Variants in BCCIP observed in about 807,000 individuals in gnomAD.
The protein encoded by BCCIP is BRCA2 and CDKN1A-interacting protein.
A neutral mutation model predicts 32.8 loss-of-function variants in BCCIP; 23 were observed. The observed-to-expected ratio is 0.70, with a 90% CI of 0.51 to 0.99. The LOEUF is 0.99. BCCIP is among the 50% of genes least tolerant of loss of function. BCCIP has a pLI of 0.00. For missense variants in BCCIP, 378 were observed against 379.8 expected, an observed-to-expected ratio of 1.00 and a Z score of 0.04; for synonymous variants, 144 against 137.6, an observed-to-expected ratio of 1.05 and a Z score of -0.33.
chr10:125,830,436 G>A (rs192073939), intron 3 of BCCIP, 126 bp from the exon 4 acceptor site: 24 of 511,872 alleles, frequency 4.7e-5, no homozygotes, highest in East Asian at 4.5e-4. Context: ...CTAAGATGGC[G>A]GTGGTAAAAC....
intron 5 of BCCIP, among the ~76,000 whole-genome samples, chr10:125,831,897 C>T (rs745629571): frequency 6.6e-6 from 1 of 152,058 alleles, no homozygotes; most frequent in Non-Finnish European, 1.5e-5. Context: ...AGTTTTTCAC[C>T]TTCACAGATA....
At chr10:125,849,271 A>C (rs913387180) in intron 7 of BCCIP, among the ~76,000 whole-genome samples, 6 of 152,244 alleles carry the variant, frequency 3.9e-5, no homozygotes, top group Admixed American at 6.5e-5. Flanking sequence ...ACGCAAAAAC[A>C]TATCAACTTA....
chr10:125,841,466 A>C, downstream of BCCIP: 1 of 1,494,556 alleles, frequency 6.7e-7, no homozygotes, highest in Non-Finnish European at 8.9e-7. Flanking sequence ...CTTCATCTGC[A>C]CTGATTATTT....
At position 125,831,550 on chromosome 10, in the gene BCCIP, G is replaced by A; in HGVS notation, c.542G>A (p.Ser181Asn). 3 of 1,614,210 alleles carry A rather than the reference G, an allele frequency of 1.9e-6. No homozygotes were observed. The highest frequency in any genetic ancestry group is 2.5e-6 in the Non-Finnish European group (3 of 1,180,026). The change falls in exon 5 of 7, where the codon AGT becomes AAT. Residue 181 changes from serine (S) to asparagine (N), a missense_variant. By Grantham distance (46) the Ser-to-Asn change is conservative. Transcript: ENST00000278100. ...ACCAAGCCTGTGGGCCTTCTCCTAA[G>A]TGAAAGATTCATTAATGTCCCTCCA... ...DTTKPVGLLL[S>N]ERFINVPPQI...
downstream of BCCIP, among the ~76,000 whole-genome samples, chr10:125,837,547 A>G (rs1485594587): frequency 6.6e-6 from 1 of 152,114 alleles, no homozygotes; most frequent in African/African-American, 2.4e-5. Context: ...CTGTCGCAGA[A>G]TCTCAAGTAG....
intron 3 of BCCIP, 38 bp downstream of exon 3, chr10:125,827,676 T>C: frequency 6.9e-7 from 1 of 1,449,266 alleles, no homozygotes; most frequent in Non-Finnish European, 9.7e-7. Flanking sequence ...ATTAAATGAG[T>C]TCTTTATTCT....
chr10:125,825,616 T>G (rs1854372291), intron 1 of BCCIP: 1 of 152,166 alleles, frequency 6.6e-6, no homozygotes, highest in South Asian at 2.1e-4. Flanking sequence ...GACTTAAATA[T>G]ATACATAGTC....
chr10:125,824,208 C>T (rs1185033660), intron 1 of BCCIP, among the ~76,000 whole-genome samples: 7 of 152,334 alleles, frequency 4.6e-5, no homozygotes, highest in Middle Eastern at 6.8e-3. Flanking sequence ...TTCTTCAGAT[C>T]TCAGCTAGGC....
chr10:125,840,361 C>T (rs997980992), downstream of BCCIP, among the ~76,000 whole-genome samples: 10 of 152,232 alleles, frequency 6.6e-5, no homozygotes, highest in Admixed American at 3.3e-4. Flanking sequence ...TATCAAGCTC[C>T]GTCAGCAACT....
chr10:125,833,947 G>A lies in BCCIP; in HGVS notation c.774+1G>A, dbSNP rs775681266. 1.2e-6 allele frequency: 2 copies of A among 1,613,812 alleles called. No individual in the cohort carries two copies. Among genetic ancestry groups the A allele is most frequent in the Non-Finnish European group, 8.5e-7 (1 of 1,179,736 alleles). On this transcript the variant is annotated splice_donor_variant, in intron 6 of 6. Coordinates refer to ENST00000278100, the MANE Select transcript of BCCIP (RefSeq NM_078468.3). LOFTEE classifies it high-confidence loss of function. ...TGCAGAGGAAGAATTTTTCTATGAG[G>A]TAAGACTATCCTGCTTATTTGTTTA...
At chr10:125,843,742 C>T (rs1470130209), downstream of BCCIP, among the ~76,000 whole-genome samples, 1 of 152,224 alleles carries the variant, frequency 6.6e-6, no homozygotes. Flanking sequence ...ATGCAGCCTA[C>T]CACACCTCCA....
chr10:125,823,974 G>A (rs531762531), intron 1 of BCCIP, among the ~76,000 whole-genome samples: 1 of 152,178 alleles, frequency 6.6e-6, no homozygotes, highest in African/African-American at 2.4e-5. Context: ...GCCACAACAG[G>A]TGTGTTCTTC....
intron 7 of BCCIP, among the ~76,000 whole-genome samples, chr10:125,849,948 C>T (rs749057659): frequency 1.3e-5 from 2 of 152,016 alleles, no homozygotes; most frequent in African/African-American, 2.4e-5. Context: ...ACCATCACAA[C>T]AGATGACACC....
At chr10:125,839,509 A>G (rs1854809458), downstream of BCCIP, among the ~76,000 whole-genome samples, 1 of 152,252 alleles carries the variant, frequency 6.6e-6, no homozygotes, top group Non-Finnish European at 1.5e-5. Context: ...CATAAAGGCC[A>G]GAGAGGATTT....
At chr10:125,828,532 G>T (rs1854455137) in intron 3 of BCCIP, among the ~76,000 whole-genome samples, 1 of 152,182 alleles carries the variant, frequency 6.6e-6, no homozygotes, top group Non-Finnish European at 1.5e-5. Context: ...CAATAGTGCA[G>T]TGATGTCATA....
chr10:125,845,092 C>T (rs901013093), downstream of BCCIP, among the ~76,000 whole-genome samples: 6 of 152,182 alleles, frequency 3.9e-5, no homozygotes, highest in Non-Finnish European at 5.9e-5. Flanking sequence ...GAGGAGGAGC[C>T]GATGCAGCGC....
intron 1 of BCCIP, 87 bp from the exon 2 acceptor site, chr10:125,826,504 G>A (rs950783155): frequency 2.0e-5 from 31 of 1,570,038 alleles, no homozygotes; most frequent in Non-Finnish European, 2.6e-5. Context: ...ATTCTTCACA[G>A]ATGGCAATCT....
chr10:125,849,145 A>T (rs1160574810), intron 7 of BCCIP, among the ~76,000 whole-genome samples: 1 of 152,220 alleles, frequency 6.6e-6, no homozygotes, highest in Non-Finnish European at 1.5e-5. Flanking sequence ...AGTTTGTCTG[A>T]ATTCATCGCA....
chr10:125,842,805 T>G (rs917787659), exon 7 of BCCIP: 2 of 951,040 alleles, frequency 2.1e-6, no homozygotes, highest in Non-Finnish European at 2.5e-6. Flanking sequence ...GATAGCAAGC[T>G]GATTCTCTCC....
Sources: gnomAD v4.1 joint callset for allele counts (sites outside exome capture counted in the v4.1 genomes callset) on GRCh38, gnomAD v4.1.1 for gene constraint, MANE v1.5 for transcripts, NCBI Gene and HGNC (gene_info 2026-07-23, HGNC 2026-07-21) for gene names.